Variants in CAST observed in about 807,000 individuals in gnomAD.
CAST encodes the protein calpastatin.
A neutral mutation model predicts 119.6 loss-of-function variants in CAST; 76 were observed. That is an observed-to-expected ratio of 0.64 (90% CI 0.53 to 0.77). The LOEUF (loss-of-function observed/expected upper bound fraction) is 0.77, where lower values mean the gene tolerates loss of function less well. CAST is among the 30% of genes least tolerant of loss of function. CAST has a pLI of 0.00. For synonymous variants in CAST, 319 were observed against 331.6 expected (o/e 0.96, Z 0.41); for missense variants, 953 against 946.5 (o/e 1.01, Z -0.09).
upstream of CAST, chr5:96,662,053 T>C (rs963805648): frequency 3.4e-5 from 7 of 203,992 alleles, no homozygotes; most frequent in Non-Finnish European, 5.8e-5. Flanking sequence ...CGCTCTCTCG[T>C]TGCACAACTG....
At chr5:95,973,215 A>C in the CAST span, 1 of 182,250 alleles carries the variant, frequency 5.5e-6, no homozygotes, top group Non-Finnish European at 1.2e-5. Context: ...TTCTGCTATT[A>C]GCTGTAGTTT....
the CAST span, among the ~76,000 whole-genome samples, chr5:96,501,853 G>A: frequency 6.6e-6 from 1 of 152,312 alleles, no homozygotes; most frequent in African/African-American, 2.4e-5. Flanking sequence ...CTAGTGAATT[G>A]TTACAATTGT....
the CAST span, among the ~76,000 whole-genome samples, chr5:96,221,600 A>C: frequency 1.3e-5 from 2 of 152,162 alleles, no homozygotes; most frequent in East Asian, 3.8e-4. Context: ...TGATGAAAGA[A>C]GTTGAAGAGG....
At chr5:96,001,417 C>T in the CAST span, among the ~76,000 whole-genome samples, 1 of 152,122 alleles carries the variant, frequency 6.6e-6, no homozygotes, top group Non-Finnish European at 1.5e-5. Context: ...AATGTGCCTG[C>T]AAGAGAGAAT....
the CAST span, among the ~76,000 whole-genome samples, chr5:96,470,664 C>T: frequency 6.6e-6 from 1 of 152,000 alleles, no homozygotes; most frequent in African/African-American, 2.4e-5. Flanking sequence ...ATGTGAATAA[C>T]TCTAATAGCT....
chr5:95,991,398 G>C, the CAST span, among the ~76,000 whole-genome samples: 2 of 147,916 alleles, frequency 1.4e-5, no homozygotes, highest in African/African-American at 5.0e-5. Flanking sequence ...AAATTTGTCT[G>C]TTTTTTCCAG....
chr5:95,967,267 G>A, the CAST span, among the ~76,000 whole-genome samples: 2 of 152,038 alleles, frequency 1.3e-5, no homozygotes, highest in Non-Finnish European at 2.9e-5. Flanking sequence ...CTTGTCAGGT[G>A]CAGTTGTGTG....
chr5:96,402,752 C>A, the CAST span, among the ~76,000 whole-genome samples: 1 of 152,044 alleles, frequency 6.6e-6, no homozygotes, highest in East Asian at 1.9e-4. Flanking sequence ...ATAGGCTACT[C>A]CACACCTGAC....
the CAST span, among the ~76,000 whole-genome samples, chr5:96,339,350 G>A: frequency 4.4e-4 from 67 of 152,274 alleles, no homozygotes; most frequent in African/African-American, 1.6e-3. Context: ...TTCTCACTGG[G>A]GTTTTGTGAA....
At chr5:96,581,030 G>T (rs893241882) in intron 1 of CAST, among the ~76,000 whole-genome samples, 1 of 152,184 alleles carries the variant, frequency 6.6e-6, no homozygotes, top group African/African-American at 2.4e-5. Flanking sequence ...CCTTGGTCTT[G>T]GATTTCCCAG....
the CAST span, among the ~76,000 whole-genome samples, chr5:96,062,998 C>T: frequency 6.6e-6 from 1 of 152,046 alleles, no homozygotes; most frequent in Admixed American, 6.6e-5. Context: ...CCAGCTGCCC[C>T]ACTAACACCT....
At chr5:96,366,279 C>T in the CAST span, among the ~76,000 whole-genome samples, 1 of 152,156 alleles carries the variant, frequency 6.6e-6, no homozygotes, top group East Asian at 1.9e-4. Flanking sequence ...TTCATTTCAA[C>T]TTTGGCAAAT....
chr5:96,583,091 C>T (rs1746795583), intron 1 of CAST, among the ~76,000 whole-genome samples: 1 of 152,094 alleles, frequency 6.6e-6, no homozygotes, highest in Non-Finnish European at 1.5e-5. Context: ...ATATATTGCC[C>T]AAACCTTTAA....
the CAST span, among the ~76,000 whole-genome samples, chr5:96,288,900 A>G: frequency 2.0e-5 from 3 of 152,132 alleles, no homozygotes; most frequent in African/African-American, 7.2e-5. Flanking sequence ...TCCATGAAAA[A>G]TGAAGGCTTC....
chr5:96,223,131 G>A, the CAST span, among the ~76,000 whole-genome samples: 3 of 152,066 alleles, frequency 2.0e-5, no homozygotes, highest in African/African-American at 7.2e-5. Flanking sequence ...AGGGTAGGAA[G>A]GGGAAATGAA....
the CAST span, among the ~76,000 whole-genome samples, chr5:96,136,085 G>C: frequency 6.6e-6 from 1 of 152,020 alleles, no homozygotes; most frequent in African/African-American, 2.4e-5. Flanking sequence ...TCTTTTTGAG[G>C]GTCCAATGTC....
chr5:96,750,065 C>G (rs1764663423), intron 19 of CAST, among the ~76,000 whole-genome samples: 1 of 152,100 alleles, frequency 6.6e-6, no homozygotes, highest in African/African-American at 2.4e-5. Context: ...AAACTTGTGG[C>G]TTATTACTAC....
chr5:96,694,368 T>C (rs1468427571), intron 2 of CAST, among the ~76,000 whole-genome samples: 1 of 152,240 alleles, frequency 6.6e-6, no homozygotes, highest in East Asian at 1.9e-4. Context: ...CCAGGCACGG[T>C]GGCTCACGCC....
At chr5:96,539,174 C>G (rs1162920767) in intron 1 of CAST, among the ~76,000 whole-genome samples, 1 of 152,120 alleles carries the variant, frequency 6.6e-6, no homozygotes, top group Non-Finnish European at 1.5e-5. Flanking sequence ...TCATAGTGTT[C>G]AAAGTTCAGG....
Sources: allele counts gnomAD v4.1 joint callset (sites outside exome capture counted in the v4.1 genomes callset), GRCh38; gene constraint gnomAD v4.1.1; transcripts MANE v1.5; gene names NCBI Gene and HGNC (gene_info 2026-07-23, HGNC 2026-07-21).